The following MED31 variants were observed in gnomAD, a reference collection of about 807,000 sequenced individuals.
MED31 encodes the protein mediator complex subunit 31, also known as mediator of RNA polymerase II transcription subunit 31.
MED31 carries 11 observed loss-of-function variants against 22.0 expected under a neutral mutation model. The observed-to-expected ratio is 0.50, with a 90% confidence interval of 0.31 to 0.83. The LOEUF is 0.83. MED31 is among the 40% of genes least tolerant of loss of function. The probability of loss-of-function intolerance (pLI) is 0.04; values close to 1 mark genes in which losing one functional copy is unlikely to be tolerated. For synonymous variants in MED31, 60 were observed against 55.1 expected (o/e 1.09, Z -0.40); for missense variants, 122 against 155.3 (o/e 0.79, Z 1.14).
intron 2 of MED31, 115 bp downstream of exon 2, chr17:6,650,241 A>G (rs1972816778): frequency 1.6e-6 from 2 of 1,263,494 alleles, no homozygotes; most frequent in South Asian, 2.6e-5. Context: ...ATACCAGCAT[A>G]AGTGTAATGT....
chr17:6,646,097 G>A (rs1972763664), intron 3 of MED31, among the ~76,000 whole-genome samples: 1 of 152,140 alleles, frequency 6.6e-6, no homozygotes, highest in African/African-American at 2.4e-5. Flanking sequence ...AGGAGACTAA[G>A]AAGACATGAC....
In MED31 at chr17:6,644,645, A is replaced by G. The variant is rs2150947545; in HGVS notation, c.218T>C (p.Leu73Ser). ...YAKYLKYPQC[L>S]HMLELLQYEH... ...ATATTGGAGCAGCTCTAACATGTGT[A>G]AACACTGAGGGTACCTGGGTTTAAG... The change falls in exon 4 of 4, where the codon TTA becomes TCA. Residue 73 changes from leucine (L) to serine (S), a missense_variant. Physicochemically the swap from Leu to Ser is moderately radical, Grantham distance 145. Coordinates refer to ENST00000225728, the MANE Select transcript of MED31 (RefSeq NM_016060.3). The G allele has an allele frequency of 1.3e-6, 2 of 1,587,684 alleles. No individual in the cohort carries two copies. Among genetic ancestry groups the G allele is most frequent in the South Asian group, 1.2e-5 (1 of 86,064 alleles).
At chr17:6,645,290 G>C (rs1015216882) in intron 3 of MED31, among the ~76,000 whole-genome samples, 6 of 152,098 alleles carry the variant, frequency 3.9e-5, no homozygotes, top group South Asian at 2.1e-4. Context: ...ATGTACTTAC[G>C]GCTTTTAATA....
chr17:6,643,796 T>C lies in MED31; in HGVS notation c.*671A>G, dbSNP rs1464483893. On this transcript the variant is annotated 3_prime_UTR_variant, in exon 4 of 4. Transcript: ENST00000225728. ...TGGTACCTCCCAAATCAATGGTAGC[T>C]TTCCCAAATGAACACAAGTATTTGA... 3.8e-6 allele frequency: 1 copy of C among 263,194 alleles called. No individual in the cohort carries two copies. The highest frequency in any genetic ancestry group is 7.1e-6 in the Non-Finnish European group (1 of 140,602). 16.3% of individuals were successfully genotyped at this position (263,194 alleles called of 1,614,324 possible).
At chr17:6,648,446 T>C (rs934751433) in intron 3 of MED31, among the ~76,000 whole-genome samples, 21 of 152,212 alleles carry the variant, frequency 1.4e-4, no homozygotes, top group African/African-American at 5.1e-4. Context: ...AAGCAGCTAG[T>C]AGTGACAGCT....
At chr17:6,646,163 G>A (rs1972764411) in intron 3 of MED31, among the ~76,000 whole-genome samples, 1 of 152,108 alleles carries the variant, frequency 6.6e-6, no homozygotes, top group African/African-American at 2.4e-5. Context: ...CAGCACACCA[G>A]CAGAACAACT....
At chr17:6,646,419 G>T (rs1001644748) in intron 3 of MED31, among the ~76,000 whole-genome samples, 1 of 152,188 alleles carries the variant, frequency 6.6e-6, no homozygotes, top group Non-Finnish European at 1.5e-5. Flanking sequence ...CTGTGTCTAC[G>T]TAGAAAAGGA....
At chr17:6,644,720 A>C (rs1972745323) in intron 3 of MED31, 61 bp from the exon 4 acceptor site, 18 of 1,465,342 alleles carry the variant, frequency 1.2e-5, no homozygotes, top group Non-Finnish European at 1.6e-5. Context: ...CCAAGGTATA[A>C]TTCAGTTATT....
intron 3 of MED31, 114 bp downstream of exon 3, chr17:6,649,868 G>T: frequency 1.9e-6 from 2 of 1,056,436 alleles, no homozygotes; most frequent in Non-Finnish European, 2.6e-6. Context: ...TATTAAGACG[G>T]TGATAACAAA....
chr17:6,644,241 G>A lies in MED31; in HGVS notation c.*226C>T, dbSNP rs764298022. ...TTAATCAGCTGATTATGCTAAATGC[G>A]TAAAAAAGAAAAACACCTTACAAAT... On this transcript the variant is annotated 3_prime_UTR_variant, in exon 4 of 4. Coordinates refer to ENST00000225728, the MANE Select transcript of MED31 (RefSeq NM_016060.3). The A allele has an allele frequency of 1.7e-5, 9 of 542,066 alleles. No individual in the cohort carries two copies. The highest frequency in any genetic ancestry group is 3.8e-5 in the Admixed American group (1 of 26,016). The allele number at this position is 542,066 out of a possible 1,614,324, so 33.6% of individuals were successfully genotyped here. A position where few individuals can be genotyped will look rare whatever the true frequency, so the allele number is the denominator to read the frequency against.
At chr17:6,650,497 G>GT in intron 1 of MED31, 64 bp from the exon 2 acceptor site, 1 of 1,473,182 alleles carries the variant, frequency 6.8e-7, no homozygotes, top group South Asian at 1.2e-5. Flanking sequence ...CTGATTTGTA[G>GT]TAAGGAAAGA....
chr17:6,646,819 T>C (rs1307832327), intron 3 of MED31, among the ~76,000 whole-genome samples: 1 of 151,932 alleles, frequency 6.6e-6, no homozygotes, highest in Non-Finnish European at 1.5e-5. Context: ...TGAGGAGGAG[T>C]AGTGAAAGAG....
chr17:6,651,172 C>T lies in MED31; in HGVS notation c.28+329G>A, dbSNP rs1480480907. Among the ~76,000 whole-genome samples the T allele has an allele frequency of 2.1e-5, 3 of 146,052 alleles. No homozygotes were observed. The East Asian group carries it at 6.0e-4, about 29-fold the overall frequency. On this transcript the variant is annotated intron_variant, in intron 1 of 3. Transcript: ENST00000225728. ...GTAGCAGAATGATACACAAGTCTGG[C>T]GACGATATTTCAAACTTAGGCAAGC...
intron 1 of MED31, 134 bp from the exon 2 acceptor site, chr17:6,650,567 T>C: frequency 2.9e-6 from 2 of 691,888 alleles, no homozygotes; most frequent in Non-Finnish European, 4.8e-6. Flanking sequence ...TGGGAGGAGA[T>C]AAACCTTCCT....
chr17:6,650,154 G>A (rs1052213208), intron 2 of MED31, 76 bp from the exon 3 acceptor site: 2 of 1,416,474 alleles, frequency 1.4e-6, no homozygotes, highest in Non-Finnish European at 1.9e-6. Context: ...TAATATAAAG[G>A]ATCTATTTAC....
intron 2 of MED31, 134 bp downstream of exon 2, chr17:6,650,222 T>A: frequency 1.7e-6 from 2 of 1,189,882 alleles, no homozygotes; most frequent in Non-Finnish European, 2.4e-6. Flanking sequence ...AGTACGCAAT[T>A]ATATCTATAT....
In MED31 at chr17:6,644,582, G is replaced by A; in HGVS notation, c.281C>T (p.Ala94Val). 6.2e-7 allele frequency: 1 copy of A among 1,613,558 alleles called. No individual in the cohort carries two copies. Among genetic ancestry groups the A allele is most frequent in the Non-Finnish European group, 8.5e-7 (1 of 1,179,934 alleles). ...AATCTGCTGTTCATCAATAAATTTC[G>A]CACACTGAGCATTCACCAGCTCCTT... ...FRKELVNAQC[A>V]KFIDEQQILH... Residue 94 changes from alanine to valine, a missense_variant, in exon 4 of 4, where the codon GCG (alanine) becomes GTG (valine). Ala to Val is a moderately conservative substitution (Grantham distance 64). Transcript: ENST00000225728.
rs546288012 is a variant in MED31 at position 6,651,587 on chromosome 17, G to C, written c.-59C>G. The C allele has an allele frequency of 2.0e-5, 33 of 1,610,162 alleles. No individual in the cohort carries two copies. Among genetic ancestry groups the C allele is most frequent in the African/African-American group, 2.7e-5 (2 of 74,830 alleles). On this transcript the variant is annotated 5_prime_UTR_variant, in exon 1 of 4. Transcript: ENST00000225728. ...ACAGAGCAAAAGCCCAGAGACGCGG[G>C]CGAAGTTCCGGAAACCACGGCTCCC...
In MED31 at chr17:6,644,331, A is replaced by C. The variant is rs192703930; in HGVS notation, c.*136T>G. On this transcript the variant is annotated 3_prime_UTR_variant, in exon 4 of 4. Transcript: ENST00000225728. ...TAGTCTATTAACAATAAAAAGTTGG[A>C]TGAAAAAGCACACTAAAGGTTCTAG... 1.0e-6 allele frequency: 1 copy of C among 966,092 alleles called. No homozygotes were observed. Among genetic ancestry groups the C allele is most frequent in the Non-Finnish European group, 1.4e-6 (1 of 706,084 alleles). The allele number at this position is 966,092 out of a possible 1,614,324, so 59.8% of individuals were successfully genotyped here.
Sources: gnomAD v4.1 joint callset for allele counts (sites outside exome capture counted in the v4.1 genomes callset) on GRCh38, gnomAD v4.1.1 for gene constraint, MANE v1.5 for transcripts, NCBI Gene and HGNC (gene_info 2026-07-23, HGNC 2026-07-21) for gene names.